The following R3HDM1 variants were observed in gnomAD, a reference collection of about 807,000 sequenced individuals.
R3HDM1 encodes the protein R3H domain containing 1.
Under a neutral mutation model 141.1 loss-of-function variants are expected in R3HDM1, and 46 were observed. The observed-to-expected ratio is 0.33, with a 90% CI of 0.26 to 0.42. The LOEUF (loss-of-function observed/expected upper bound fraction) is 0.42. R3HDM1 is among the 10% of genes least tolerant of loss of function. The probability of loss-of-function intolerance (pLI) is 1.00; values close to 1 mark genes in which losing one functional copy is unlikely to be tolerated. For missense variants in R3HDM1, 1,184 were observed against 1,368.3 expected (o/e 0.87, Z 2.12); for synonymous variants, 435 against 472.9 (o/e 0.92, Z 1.04).
intron 7 of R3HDM1, among the ~76,000 whole-genome samples, chr2:135,628,505 G>A (rs758253501): frequency 6.6e-6 from 1 of 152,184 alleles, no homozygotes; most frequent in Non-Finnish European, 1.5e-5. Flanking sequence ...CAGTGGCAGT[G>A]CATTTCACTG....
Position 135,722,455 on chromosome 2 carries a change from T to C in R3HDM1, c.2965-14T>C, listed in dbSNP as rs766830333. ...ATTATTAACGTTGTTTCTCAACTAT[T>C]TGTGGGTTTTCAGGGTCAGCCTGGC... On this transcript the variant is annotated splice_polypyrimidine_tract_variant and intron_variant, in intron 25 of 26. Transcript: ENST00000683871. 8.7e-6 allele frequency: 14 copies of C among 1,613,008 alleles called. No individual in the cohort carries two copies. In the South Asian group the frequency reaches 1.3e-4, roughly 15 times the overall value.
intron 22 of R3HDM1, 136 bp downstream of exon 22, chr2:135,709,672 C>A: frequency 9.4e-7 from 1 of 1,059,468 alleles, no homozygotes; most frequent in Non-Finnish European, 1.4e-6. Flanking sequence ...GGGTGCTGTA[C>A]TGAATCATAG....
intron 1 of R3HDM1, among the ~76,000 whole-genome samples, chr2:135,569,265 A>T (rs1006768155): frequency 6.6e-6 from 1 of 152,090 alleles, no homozygotes; most frequent in African/African-American, 2.4e-5. Context: ...CGGGTGGATC[A>T]CAAGGTCAGG....
intron 1 of R3HDM1, among the ~76,000 whole-genome samples, chr2:135,541,576 G>T (rs1697519142): frequency 6.6e-6 from 1 of 151,978 alleles, no homozygotes; most frequent in African/African-American, 2.4e-5. Context: ...AGAAGAGATG[G>T]GGTATCAGCC....
chr2:135,605,394 A>G (rs1392534872), intron 3 of R3HDM1: 1 of 162,232 alleles, frequency 6.2e-6, no homozygotes, highest in Non-Finnish European at 1.3e-5. Context: ...CTATTGGCAA[A>G]AACAGCCCTC....
chr2:135,617,664 G>T (rs2061165012), intron 5 of R3HDM1, among the ~76,000 whole-genome samples: 1 of 152,018 alleles, frequency 6.6e-6, no homozygotes, highest in African/African-American at 2.4e-5. Flanking sequence ...TCAGCTATGG[G>T]TTGATCTCTG....
At chr2:135,597,682 A>G (rs191236363) in intron 1 of R3HDM1, among the ~76,000 whole-genome samples, 1 of 152,334 alleles carries the variant, frequency 6.6e-6, no homozygotes, top group Admixed American at 6.5e-5. Context: ...AGATAGTGAT[A>G]AGGAAGCAAC....
intron 7 of R3HDM1, among the ~76,000 whole-genome samples, chr2:135,626,750 T>C (rs561234166): frequency 6.6e-6 from 1 of 152,182 alleles, no homozygotes; most frequent in Non-Finnish European, 1.5e-5. Context: ...ACCACAGTTA[T>C]AGAACTTTTT....
intron 1 of R3HDM1, among the ~76,000 whole-genome samples, chr2:135,572,146 CAG>C (rs1704266420): frequency 1.3e-5 from 2 of 152,192 alleles, no homozygotes; most frequent in East Asian, 1.9e-4. Context: ...TTTGTAGAGA[CAG>C]AGTTTCACCG....
chr2:135,663,212 G>GT (rs1559377409), intron 19 of R3HDM1, among the ~76,000 whole-genome samples: 1 of 150,976 alleles, frequency 6.6e-6, no homozygotes, highest in Non-Finnish European at 1.5e-5. Flanking sequence ...AAACATCTAT[G>GT]TGACAGATAG....
chr2:135,576,004 T>A (rs1010110388), intron 1 of R3HDM1, among the ~76,000 whole-genome samples: 9 of 152,134 alleles, frequency 5.9e-5, no homozygotes, highest in Admixed American at 5.2e-4. Flanking sequence ...CTATAAAGCT[T>A]CTATAATTGA....
At chr2:135,611,791 T>C (rs1405866000) in intron 3 of R3HDM1, among the ~76,000 whole-genome samples, 1 of 152,224 alleles carries the variant, frequency 6.6e-6, no homozygotes, top group Non-Finnish European at 1.5e-5. Flanking sequence ...ATATGGTAGT[T>C]CTTTTAAGCA....
chr2:135,582,751 T>C (rs931170709), intron 1 of R3HDM1, among the ~76,000 whole-genome samples: 3 of 152,204 alleles, frequency 2.0e-5, no homozygotes, highest in Non-Finnish European at 1.5e-5. Context: ...AATAGGAGAA[T>C]GTTGTATATT....
chr2:135,722,393 T>C, intron 25 of R3HDM1, 76 bp from the exon 26 acceptor site: 1 of 1,466,010 alleles, frequency 6.8e-7, no homozygotes, highest in Admixed American at 2.0e-5. Context: ...GGTGTTTTGG[T>C]GTTAATTTGT....
rs200770108 is a variant in R3HDM1 at position 135,638,827 on chromosome 2, T to G, written c.992+38T>G. ...TGTTTTCAATACAGTATTGAAAAAT[T>G]AAAGCATTTTTTTCTTTACTTTTTG... On this transcript the variant is annotated intron_variant, in intron 13 of 26. Coordinates refer to ENST00000683871, the MANE Select transcript of R3HDM1 (RefSeq NM_001378107.1). 121 of 1,612,514 alleles carry G rather than the reference T, an allele frequency of 7.5e-5. No homozygotes were observed. The African/African-American group carries it at 1.5e-3, about 20-fold the overall frequency.
chr2:135,566,270 G>T (rs537663012), intron 1 of R3HDM1, among the ~76,000 whole-genome samples: 2 of 152,132 alleles, frequency 1.3e-5, no homozygotes, highest in African/African-American at 4.8e-5. Flanking sequence ...GGGTTTTGAG[G>T]GGGGAAGCAA....
chr2:135,559,557 C>G (rs1294854518), intron 1 of R3HDM1, among the ~76,000 whole-genome samples: 3 of 152,158 alleles, frequency 2.0e-5, no homozygotes, highest in African/African-American at 7.2e-5. Context: ...AAATATCAAC[C>G]CTTGGCTAGA....
intron 21 of R3HDM1, among the ~76,000 whole-genome samples, chr2:135,698,861 A>G (rs973228612): frequency 3.3e-5 from 5 of 152,070 alleles, no homozygotes; most frequent in Non-Finnish European, 2.9e-5. Flanking sequence ...GAATGGTGCT[A>G]AACCATTAGA....
At chr2:135,533,860 C>T (rs573269889) in intron 1 of R3HDM1, 7 of 457,548 alleles carry the variant, frequency 1.5e-5, no homozygotes, top group South Asian at 9.3e-5. Flanking sequence ...GCAACAAGAG[C>T]GAAACTCCAT....
Sources: gnomAD v4.1 joint callset for allele counts (sites outside exome capture counted in the v4.1 genomes callset) on GRCh38, gnomAD v4.1.1 for gene constraint, MANE v1.5 for transcripts, NCBI Gene and HGNC (gene_info 2026-07-23, HGNC 2026-07-21) for gene names.